Variants in ATAD3A observed in about 807,000 individuals in gnomAD.
The protein encoded by ATAD3A is ATPase family AAA domain-containing protein 3A.
Under a neutral mutation model 73.8 loss-of-function variants are expected in ATAD3A, and 46 were observed. The observed-to-expected ratio is 0.62, with a 90% CI of 0.49 to 0.80. The LOEUF is 0.80. Ranked by LOEUF, ATAD3A falls within the 30% of genes least tolerant of loss-of-function variation. The pLI is 0.00. For synonymous variants in ATAD3A, 319 were observed against 350.0 expected, an observed-to-expected ratio of 0.91 and a Z score of 0.99; for missense variants, 705 against 838.0, an observed-to-expected ratio of 0.84 and a Z score of 1.96.
At chr1:1,533,678 T>A (rs1642113050) in intron 15 of ATAD3A, among the ~76,000 whole-genome samples, 1 of 152,000 alleles carries the variant, frequency 6.6e-6, no homozygotes, top group Admixed American at 6.5e-5. Context: ...CGCCTTGGGC[T>A]TTCTATTATT....
At chr1:1,525,510 G>C (rs1298806560) in intron 12 of ATAD3A, among the ~76,000 whole-genome samples, 1 of 150,402 alleles carries the variant, frequency 6.6e-6, no homozygotes, top group African/African-American at 2.4e-5. Context: ...CACCTCCCAG[G>C]TTCACGCCAT....
intron 15 of ATAD3A, among the ~76,000 whole-genome samples, chr1:1,530,213 C>T (rs969591829): frequency 6.6e-6 from 1 of 152,200 alleles, no homozygotes; most frequent in Admixed American, 6.5e-5. Flanking sequence ...AGGCCATCCC[C>T]ACTTGGAACC....
intron 7 of ATAD3A, among the ~76,000 whole-genome samples, chr1:1,522,531 C>T (rs1484911942): frequency 6.6e-6 from 1 of 152,220 alleles, no homozygotes; most frequent in African/African-American, 2.4e-5. Flanking sequence ...GAGAAAATGG[C>T]CCTGAGTGAG....
rs775070969 is a variant in ATAD3A, at chr1:1,523,532, C to T, written c.928C>T (p.Arg310Ter). ...PIQVSRRLLSRPQDALEGVVL... is the reference protein window; with the variant it reads ...PIQVSRRLLS ...GCAGGTCAGCCGGCGGCTCCTCAGT[C>T]GACCCCAGGACGCGCTGGAGGGTGT... Residue 310 changes from arginine to a stop codon, truncating the protein, a stop_gained, in exon 9 of 16, where the codon CGA becomes TGA. Transcript: ENST00000378756. LOFTEE classifies it high-confidence loss of function. This position sits in a 1 kb window ranked among gnomAD's most constrained non-coding sequence, Gnocchi z 5.1. 5.6e-6 allele frequency: 9 copies of T among 1,612,906 alleles called. No homozygotes were observed. Among genetic ancestry groups the T allele is most frequent in the Non-Finnish European group, 7.6e-6 (9 of 1,179,660 alleles).
intron 1 of ATAD3A, among the ~76,000 whole-genome samples, chr1:1,514,097 G>C (rs1430880506): frequency 6.6e-6 from 1 of 152,188 alleles, no homozygotes; most frequent in Non-Finnish European, 1.5e-5. Context: ...GCACGTCCCT[G>C]GCACAGGGTC....
Position 1,517,715 on chromosome 1 carries a change from G to T in ATAD3A, c.385-1G>T, listed in dbSNP as rs1333748054. The T allele has an allele frequency of 1.4e-6, 2 of 1,425,350 alleles. No homozygotes were observed. The highest frequency in any genetic ancestry group is 2.8e-5 in the African/African-American group (2 of 70,228). 88.3% of individuals were successfully genotyped at this position (1,425,350 alleles called of 1,614,324 possible). A position where few individuals can be genotyped will look rare whatever the true frequency, so the allele number is the denominator to read the frequency against. Reference sequence around the variant, plus strand: ...GTCTTTGCCGCCCTCTTCTCCCCCAGAGGGCCCAGTATCAAGACAAGCTGG... The same window carrying T: ...GTCTTTGCCGCCCTCTTCTCCCCCATAGGGCCCAGTATCAAGACAAGCTGG... On this transcript the variant is annotated splice_acceptor_variant, in intron 3 of 15. Transcript: ENST00000378756. LOFTEE classifies it high-confidence loss of function.
In ATAD3A at chr1:1,513,898, T is replaced by C. The variant is rs189186922; in HGVS notation, c.205+1425T>C. The stretch of plus-strand genomic sequence containing the variant: ...CCTCACCGACTGCCTCCTCTGTCCC[T>C]TGAGGCTATAGCCCCATGCCGCCTG... On this transcript the variant is annotated intron_variant, in intron 1 of 15. Transcript: ENST00000378756. Among the ~76,000 whole-genome samples the C allele has an allele frequency of 5.8e-4, 89 of 152,230 alleles. 1 individual carries two copies. Among genetic ancestry groups the C allele is most frequent in the African/African-American group, 2.1e-3 (87 of 41,508 alleles).
chr1:1,517,968 C>A (rs1406670915), intron 4 of ATAD3A, among the ~76,000 whole-genome samples, 193 bp downstream of exon 4: 1 of 151,924 alleles, frequency 6.6e-6, no homozygotes, highest in Non-Finnish European at 1.5e-5. Flanking sequence ...CGTGTGCACA[C>A]ATGTACATGG....
chr1:1,532,022 A>C (rs976538826), intron 15 of ATAD3A, among the ~76,000 whole-genome samples: 1 of 152,158 alleles, frequency 6.6e-6, no homozygotes, highest in Non-Finnish European at 1.5e-5. Flanking sequence ...TGAGAGGGTC[A>C]TGTAGTTTCC....
chr1:1,525,699 C>A (rs1038962673), intron 12 of ATAD3A, among the ~76,000 whole-genome samples: 5 of 152,018 alleles, frequency 3.3e-5, no homozygotes, highest in African/African-American at 9.7e-5. Flanking sequence ...CAGGCGTGAG[C>A]CACCACGCCC....
chr1:1,520,603 A>C lies in ATAD3A; in HGVS notation c.736A>C (p.Lys246Gln). 1 of 1,613,626 alleles carries C rather than the reference A, an allele frequency of 6.2e-7. No homozygotes were observed. Among genetic ancestry groups the C allele is most frequent in the Non-Finnish European group, 8.5e-7 (1 of 1,179,880 alleles). The change falls in exon 7 of 16, where the codon AAA becomes CAA. Residue 246 changes from lysine (K) to glutamine (Q), a missense_variant. This residue lies in a region of ATAD3A where 315 missense variants were observed against 334.1 expected (regional missense o/e 0.94). Coordinates refer to ENST00000378756, the MANE Select transcript of ATAD3A (RefSeq NM_001170535.3). This position sits in a 1 kb window ranked among gnomAD's most constrained non-coding sequence, Gnocchi z 4.0. ...CCGTGCCTTTGTGACAGACTGGGAC[A>C]AAGTGACAGCCACGGTAAACATACT... The part of the protein sequence containing the change: ...GFRAFVTDWD[K>Q]VTATVAGLTL...
intron 15 of ATAD3A, among the ~76,000 whole-genome samples, chr1:1,531,402 G>T (rs1642028134): frequency 6.6e-6 from 1 of 151,958 alleles, no homozygotes. Context: ...AAAGAGCCGA[G>T]ATTGCACCAC....
At chr1:1,521,796 T>G (rs767152856) in intron 7 of ATAD3A, among the ~76,000 whole-genome samples, 2 of 152,196 alleles carry the variant, frequency 1.3e-5, no homozygotes, top group Non-Finnish European at 2.9e-5. Context: ...ACCTCCCCAG[T>G]TCAAGCAGTT....
At chr1:1,528,496 T>C (rs1032954609) in intron 14 of ATAD3A, among the ~76,000 whole-genome samples, 2 of 152,222 alleles carry the variant, frequency 1.3e-5, no homozygotes, top group Non-Finnish European at 2.9e-5. Flanking sequence ...CACCCGGCCC[T>C]GGAGCCTCGT....
intron 15 of ATAD3A, among the ~76,000 whole-genome samples, chr1:1,532,854 G>C (rs945413542): frequency 6.6e-5 from 10 of 152,022 alleles, no homozygotes; most frequent in African/African-American, 2.4e-4. Context: ...CACAGTGGCG[G>C]TGCGGCTCTG....
chr1:1,532,298 C>T (rs889164474), intron 15 of ATAD3A, among the ~76,000 whole-genome samples: 7 of 149,978 alleles, frequency 4.7e-5, no homozygotes, highest in Admixed American at 4.6e-4. Context: ...TAATGCTGGC[C>T]TCTTAGGATG....
At chr1:1,521,071 G>A (rs748457161) in intron 7 of ATAD3A, among the ~76,000 whole-genome samples, 5 of 151,798 alleles carry the variant, frequency 3.3e-5, no homozygotes, top group East Asian at 3.9e-4. Flanking sequence ...AGGCAGAGGC[G>A]GGCGGATCAC....
chr1:1,527,253 G>T (rs1641880523), intron 13 of ATAD3A: 1 of 1,285,978 alleles, frequency 7.8e-7, no homozygotes, highest in East Asian at 5.8e-5. Context: ...GCTGCTGCCG[G>T]TGGATGCTCC....
chr1:1,519,046 C>A, intron 5 of ATAD3A, 56 bp downstream of exon 5: 1 of 1,613,416 alleles, frequency 6.2e-7, no homozygotes, highest in Non-Finnish European at 8.5e-7. Flanking sequence ...CTTGTGGACC[C>A]GGCGTGCACT....
Sources: allele counts gnomAD v4.1 joint callset (sites outside exome capture counted in the v4.1 genomes callset), GRCh38; gene constraint gnomAD v4.1.1; regional missense constraint gnomAD v4.1.1; non-coding constraint Gnocchi (gnomAD v3.1); transcripts MANE v1.5; gene names NCBI Gene and HGNC (gene_info 2026-07-23, HGNC 2026-07-21).